COG3: variants seen among roughly 807,000 people sequenced by gnomAD.
COG3 encodes the protein conserved oligomeric Golgi complex subunit 3.
COG3 carries 32 observed loss-of-function variants against 114.1 expected under a neutral mutation model. The observed-to-expected ratio is 0.28, with a 90% CI of 0.21 to 0.38. The LOEUF (loss-of-function observed/expected upper bound fraction) is 0.38. Ranked by LOEUF, COG3 falls within the 10% of genes least tolerant of loss-of-function variation. The pLI, the probability that COG3 is intolerant of heterozygous loss-of-function variation, is 1.00. For missense variants in COG3, 813 were observed against 973.2 expected, an observed-to-expected ratio of 0.84 and a Z score of 2.19; for synonymous variants, 352 against 365.7, an observed-to-expected ratio of 0.96 and a Z score of 0.43.
chr13:45,484,745 C>T (rs1222636759), intron 7 of COG3, among the ~76,000 whole-genome samples: 8 of 141,136 alleles, frequency 5.7e-5, no homozygotes, highest in Admixed American at 1.4e-4. Flanking sequence ...GAGGACCCTG[C>T]GGCCTTCCGC....
chr13:45,501,245 G>A (rs2057616), intron 13 of COG3, among the ~76,000 whole-genome samples: 131,682 of 152,224 alleles, frequency 0.87, 57,120 homozygotes, highest in Admixed American at 0.91. Context: ...AAGTATCTAT[G>A]TAAATACTTG....
chr13:45,487,867 G>A (rs768687885), intron 8 of COG3, among the ~76,000 whole-genome samples: 1 of 152,188 alleles, frequency 6.6e-6, no homozygotes, highest in Non-Finnish European at 1.5e-5. Context: ...ATACCATCCA[G>A]CAATACCTCT....
At chr13:45,490,700 TAAAAA>T (rs138768034) in intron 8 of COG3, among the ~76,000 whole-genome samples, 265 of 152,122 alleles carry the variant, frequency 1.7e-3, no homozygotes, top group African/African-American at 6.1e-3. Flanking sequence ...CAGTTTTACT[TAAAAA>T]GAAAAATATA....
intron 1 of COG3, among the ~76,000 whole-genome samples, chr13:45,474,151 CTTT>C (rs10558884): frequency 6.1e-5 from 5 of 81,974 alleles, no homozygotes; most frequent in South Asian, 4.7e-4. Context: ...CTTTTTTACT[CTTT>C]TTTTTTTTTT....
rs1176637696 is a variant in COG3, at chr13:45,464,958, T to C, written c.-79T>C. On this transcript the variant is annotated 5_prime_UTR_variant, in exon 1 of 23. Transcript: ENST00000349995. ...GCCGGTGCAGTGTTGGAAGCTCCGGTTCTCCCGGAAGTGGCCCAGGTCTCT... is the reference window on the plus strand; with the variant it reads ...GCCGGTGCAGTGTTGGAAGCTCCGGCTCTCCCGGAAGTGGCCCAGGTCTCT... The C allele has an allele frequency of 2.7e-6, 4 of 1,481,178 alleles. No homozygotes were observed. The highest frequency in any genetic ancestry group is 2.8e-5 in the African/African-American group (2 of 71,042). 91.8% of individuals were successfully genotyped at this position (1,481,178 alleles called of 1,614,324 possible).
chr13:45,489,677 A>G (rs2137824969), intron 8 of COG3, among the ~76,000 whole-genome samples: 1 of 152,314 alleles, frequency 6.6e-6, no homozygotes, highest in South Asian at 2.1e-4. Context: ...AGAAAATGAC[A>G]AAACTAGACA....
At chr13:45,480,547 C>G (rs765377608) in intron 4 of COG3, among the ~76,000 whole-genome samples, 3 of 152,038 alleles carry the variant, frequency 2.0e-5, no homozygotes, top group African/African-American at 7.2e-5. Context: ...TTGGTTTGCT[C>G]TGATCACTCT....
At chr13:45,513,045 T>G (rs927553376) in intron 16 of COG3, among the ~76,000 whole-genome samples, 1 of 151,482 alleles carries the variant, frequency 6.6e-6, no homozygotes, top group Non-Finnish European at 1.5e-5. Context: ...TGCTTAACTC[T>G]CCTCTTAAAA....
chr13:45,521,879 T>G (rs1048742906), intron 19 of COG3, among the ~76,000 whole-genome samples: 1 of 148,852 alleles, frequency 6.7e-6, no homozygotes, highest in African/African-American at 2.5e-5. Flanking sequence ...CTCGGCTCAC[T>G]GCAACCTCTG....
intron 16 of COG3, among the ~76,000 whole-genome samples, chr13:45,513,256 A>ATATACATATAAAT (rs1205575449): frequency 3.6e-5 from 2 of 56,138 alleles, no homozygotes; most frequent in Non-Finnish European, 7.2e-5. Flanking sequence ...TACATATAAT[A>ATATACATATAAAT]TATACATATA....
In COG3 at chr13:45,481,315, T is replaced by C. The variant is rs1402782699; in HGVS notation, c.624+11T>C. On this transcript the variant is annotated intron_variant, in intron 5 of 22. Coordinates refer to ENST00000349995, the MANE Select transcript of COG3 (RefSeq NM_031431.4). ...GAAACTATTAACACAGTAAGCATTG[T>C]TCTTTACTTCTTATAAAGTTAGTGA... is the stretch of plus-strand genomic sequence containing the variant. 2 of 1,364,750 alleles carry C rather than the reference T, an allele frequency of 1.5e-6. No individual in the cohort carries two copies. Among genetic ancestry groups the C allele is most frequent in the South Asian group, 2.5e-5 (2 of 81,232 alleles). The allele number at this position is 1,364,750 out of a possible 1,614,324, so 84.5% of individuals were successfully genotyped here.
intron 1 of COG3, among the ~76,000 whole-genome samples, chr13:45,467,126 T>C (rs1383026532): frequency 2.0e-5 from 3 of 152,050 alleles, no homozygotes; most frequent in Non-Finnish European, 1.5e-5. Context: ...CAGCCTGAGG[T>C]GAGAACTGAT....
In COG3 at chr13:45,521,550, G is replaced by A. The variant is rs181328967; in HGVS notation, c.2154+2456G>A. Among the ~76,000 whole-genome samples, 104 of 150,720 alleles carry A rather than the reference G, an allele frequency of 6.9e-4. 2 individuals carry two copies. Among genetic ancestry groups the A allele is most frequent in the African/African-American group, 2.5e-3 (100 of 40,434 alleles). ...GTTCCCTTTCATCCTGTGGCATAGA[G>A]TGAGTCAGAGACAAAGATACATACG... On this transcript the variant is annotated intron_variant, in intron 19 of 22. Transcript: ENST00000349995.
At chr13:45,524,117 A>C (rs1872450138) in intron 19 of COG3, among the ~76,000 whole-genome samples, 1 of 152,186 alleles carries the variant, frequency 6.6e-6, no homozygotes, top group Non-Finnish European at 1.5e-5. Flanking sequence ...GTGTCTGCCC[A>C]TTATACCCTG....
chr13:45,475,823 G>A (rs959672809), intron 1 of COG3, among the ~76,000 whole-genome samples: 4 of 151,912 alleles, frequency 2.6e-5, no homozygotes, highest in Non-Finnish European at 1.5e-5. Flanking sequence ...AAAATTAGCT[G>A]GGCGTGGTGT....
chr13:45,488,968 C>T (rs1223470021), intron 8 of COG3, among the ~76,000 whole-genome samples: 2 of 151,402 alleles, frequency 1.3e-5, no homozygotes, highest in Admixed American at 1.3e-4. Flanking sequence ...AGGGCGGATC[C>T]CTTGAGTTTA....
chr13:45,475,846 A>G (rs1300342950), intron 1 of COG3, among the ~76,000 whole-genome samples: 1 of 151,926 alleles, frequency 6.6e-6, no homozygotes, highest in Non-Finnish European at 1.5e-5. Flanking sequence ...CGTGCCTGTA[A>G]TCTCAGCTAC....
At chr13:45,516,108 T>C (rs1190847663) in intron 16 of COG3, 35 bp from the exon 17 acceptor site, 1 of 1,461,264 alleles carries the variant, frequency 6.8e-7, no homozygotes, top group Non-Finnish European at 9.3e-7. Flanking sequence ...TGATTTAATA[T>C]GTGATCATAT....
intron 1 of COG3, 58 bp from the exon 2 acceptor site, chr13:45,476,138 CTTGAG>C (rs1263965358): frequency 7.9e-6 from 12 of 1,513,382 alleles, no homozygotes; most frequent in African/African-American, 4.1e-5. Context: ...GAAACCCAAT[CTTGAG>C]TTAAGTTCAG....
Sources: gnomAD v4.1 joint callset for allele counts (sites outside exome capture counted in the v4.1 genomes callset) on GRCh38, gnomAD v4.1.1 for gene constraint, MANE v1.5 for transcripts, NCBI Gene and HGNC (gene_info 2026-07-23, HGNC 2026-07-21) for gene names.